Variants in C8orf34 observed in about 807,000 individuals in gnomAD.
The protein encoded by C8orf34 is uncharacterized protein C8orf34.
A neutral mutation model predicts 68.3 loss-of-function variants in C8orf34; 65 were observed. That is an observed-to-expected ratio of 0.95 (90% CI 0.78 to 1.17). C8orf34 has a LOEUF of 1.17. Ranked by LOEUF, C8orf34 falls within the 50% of genes most tolerant of loss-of-function variation. The pLI is 0.00. For missense variants in C8orf34, 664 were observed against 655.4 expected, an observed-to-expected ratio of 1.01 and a Z score of -0.14; for synonymous variants, 244 against 241.2, an observed-to-expected ratio of 1.01 and a Z score of -0.11.
At chr8:68,340,396 G>A (rs1034601292) in intron 1 of C8orf34, among the ~76,000 whole-genome samples, 11 of 152,056 alleles carry the variant, frequency 7.2e-5, no homozygotes, top group African/African-American at 2.7e-4. Context: ...GATGAAATAA[G>A]CAGAAATTTA....
intron 5 of C8orf34, among the ~76,000 whole-genome samples, chr8:68,519,312 G>A (rs1283887024): frequency 6.6e-6 from 1 of 152,070 alleles, no homozygotes; most frequent in Non-Finnish European, 1.5e-5. Flanking sequence ...TATTACTTTT[G>A]GAAAGTTATG....
intron 7 of C8orf34, among the ~76,000 whole-genome samples, chr8:68,590,806 ACTGAGACAGCT>A (rs1301579137): frequency 6.6e-6 from 1 of 152,150 alleles, no homozygotes; most frequent in Non-Finnish European, 1.5e-5. Context: ...TCTACTGAGA[ACTGAGACAGCT>A]CTGAGGCTTC....
intron 7 of C8orf34, chr8:68,625,365 A>C (rs1018459206): frequency 2.3e-6 from 1 of 440,238 alleles, no homozygotes; most frequent in Non-Finnish European, 4.0e-6. Flanking sequence ...GAAATTCAAA[A>C]TATGTATCTA....
At chr8:68,714,224 G>A (rs1218168252) in intron 9 of C8orf34, among the ~76,000 whole-genome samples, 3 of 152,076 alleles carry the variant, frequency 2.0e-5, no homozygotes, top group African/African-American at 4.8e-5. Flanking sequence ...CCCTGAGACC[G>A]GAAGAAGACA....
intron 10 of C8orf34, among the ~76,000 whole-genome samples, chr8:68,768,620 T>A (rs974951192): frequency 5.9e-5 from 9 of 152,232 alleles, no homozygotes; most frequent in Non-Finnish European, 1.2e-4. Context: ...CCATATTACA[T>A]GCATGGTAGT....
At chr8:68,764,308 G>A (rs545256137) in intron 10 of C8orf34, among the ~76,000 whole-genome samples, 55 of 152,332 alleles carry the variant, frequency 3.6e-4, no homozygotes, top group Middle Eastern at 6.8e-3. Flanking sequence ...TAAGTCTGAT[G>A]GAAAGTCAAG....
intron 7 of C8orf34, among the ~76,000 whole-genome samples, chr8:68,598,473 G>A (rs1022950471): frequency 1.3e-5 from 2 of 152,146 alleles, no homozygotes; most frequent in African/African-American, 4.8e-5. Flanking sequence ...AGTGGGAAGA[G>A]GCCGTGGCAC....
chr8:68,719,915 C>T (rs939941165), intron 9 of C8orf34, among the ~76,000 whole-genome samples: 3 of 151,912 alleles, frequency 2.0e-5, no homozygotes, highest in Non-Finnish European at 4.4e-5. Flanking sequence ...AGCATTTGCT[C>T]ACAGTTCTGC....
At chr8:68,803,574 G>T (rs1039481649) in intron 12 of C8orf34, among the ~76,000 whole-genome samples, 14 of 151,734 alleles carry the variant, frequency 9.2e-5, no homozygotes, top group African/African-American at 3.4e-4. Flanking sequence ...TCTCTTTTAG[G>T]TCAGGGATGA....
chr8:68,595,311 G>A (rs1193410840), intron 7 of C8orf34, among the ~76,000 whole-genome samples: 1 of 151,836 alleles, frequency 6.6e-6, no homozygotes, highest in African/African-American at 2.4e-5. Context: ...ACAAGTGTAA[G>A]GGCTTATTTA....
chr8:68,475,710 A>G (rs1812584556), intron 4 of C8orf34, among the ~76,000 whole-genome samples: 1 of 152,178 alleles, frequency 6.6e-6, no homozygotes, highest in Non-Finnish European at 1.5e-5. Context: ...GCAGTTTTTT[A>G]TTTCATGCAA....
chr8:68,594,490 T>C (rs1019877235), intron 7 of C8orf34, among the ~76,000 whole-genome samples: 1 of 152,140 alleles, frequency 6.6e-6, no homozygotes, highest in African/African-American at 2.4e-5. Flanking sequence ...TCCAGATTTG[T>C]TACATGCATA....
chr8:68,435,738 C>G (rs1810637648), intron 1 of C8orf34, among the ~76,000 whole-genome samples: 1 of 152,186 alleles, frequency 6.6e-6, no homozygotes, highest in Non-Finnish European at 1.5e-5. Flanking sequence ...TCATTCCCAG[C>G]CTTAGAAAGG....
At chr8:68,402,414 G>A (rs577449613) in intron 1 of C8orf34, among the ~76,000 whole-genome samples, 1 of 151,808 alleles carries the variant, frequency 6.6e-6, no homozygotes, top group African/African-American at 2.4e-5. Flanking sequence ...ATTTAGTTCT[G>A]CTCTGATCAT....
intron 10 of C8orf34, among the ~76,000 whole-genome samples, chr8:68,764,511 C>G (rs896575155): frequency 1.3e-5 from 2 of 152,130 alleles, no homozygotes; most frequent in Non-Finnish European, 2.9e-5. Context: ...GTGAAGACCA[C>G]ACAAATATGT....
intron 5 of C8orf34, among the ~76,000 whole-genome samples, chr8:68,497,710 T>C (rs1313408784): frequency 6.6e-6 from 1 of 152,120 alleles, no homozygotes; most frequent in African/African-American, 2.4e-5. Context: ...GATTAAGGAA[T>C]GACCCCTGGG....
rs558851761 is a variant in C8orf34, at chr8:68,808,616, GTTA to G, written c.1550-7265_1550-7263del. Among the ~76,000 whole-genome samples the G allele has an allele frequency of 8.9e-4, 135 of 151,528 alleles. 2 individuals are homozygous for G. Among genetic ancestry groups the G allele is most frequent in the Admixed American group, 8.6e-3 (131 of 15,206 alleles). On this transcript the variant is annotated intron_variant, in intron 12 of 13. Transcript: ENST00000518698. Reference sequence around the variant, plus strand: ...TTTGCATAACATTTATACTGTATTAGTTATTATAAGTAATGTAGAGATTATTTA... The same window carrying G: ...TTTGCATAACATTTATACTGTATTAGTTATAAGTAATGTAGAGATTATTTA...
At chr8:68,576,248 T>TGATGAAAGTTCTGTGGTCAA in intron 7 of C8orf34, among the ~76,000 whole-genome samples, 12 of 151,718 alleles carry the variant, frequency 7.9e-5, no homozygotes, top group African/African-American at 2.7e-4. Context: ...ACTAACATTG[T>TGATGAAAGTTCTGTGGTCAA]AATTATGTAG....
At chr8:68,596,709 G>A (rs1586426946) in intron 7 of C8orf34, among the ~76,000 whole-genome samples, 2 of 152,256 alleles carry the variant, frequency 1.3e-5, no homozygotes, top group East Asian at 3.9e-4. Context: ...TCTTTCATAA[G>A]GGGCTGGAAG....
Sources: allele counts gnomAD v4.1 joint callset (sites outside exome capture counted in the v4.1 genomes callset), GRCh38; gene constraint gnomAD v4.1.1; transcripts MANE v1.5; gene names NCBI Gene and HGNC (gene_info 2026-07-23, HGNC 2026-07-21).